Variants in LUZP2 observed in about 807,000 individuals in gnomAD.
The protein encoded by LUZP2 is leucine zipper protein 2.
Under a neutral mutation model 51.6 loss-of-function variants are expected in LUZP2, and 52 were observed. The observed-to-expected ratio is 1.01, with a 90% CI of 0.81 to 1.27. The LOEUF is 1.27. LUZP2 is among the 50% of genes most tolerant of loss of function. The probability of loss-of-function intolerance (pLI) is 0.00; values close to 1 mark genes in which losing one functional copy is unlikely to be tolerated. For missense variants in LUZP2, 436 were observed against 395.4 expected (o/e 1.10, Z -0.87); for synonymous variants, 154 against 137.3 (o/e 1.12, Z -0.85).
At chr11:24,972,416 T>C (rs1218316690) in intron 7 of LUZP2, among the ~76,000 whole-genome samples, 1 of 152,086 alleles carries the variant, frequency 6.6e-6, no homozygotes, top group African/African-American at 2.4e-5. Flanking sequence ...GTACTATTAT[T>C]CATCTTTAAA....
intron 1 of LUZP2, among the ~76,000 whole-genome samples, chr11:24,579,527 G>A (rs1852775712): frequency 6.6e-6 from 1 of 151,962 alleles, no homozygotes; most frequent in African/African-American, 2.4e-5. Flanking sequence ...AATTGCTTAT[G>A]GTTTCAACTT....
At chr11:24,835,222 T>A (rs1318313973) in intron 5 of LUZP2, among the ~76,000 whole-genome samples, 4 of 152,088 alleles carry the variant, frequency 2.6e-5, no homozygotes, top group African/African-American at 9.7e-5. Context: ...GATTCCCTAT[T>A]TAATAAATGG....
intron 9 of LUZP2, among the ~76,000 whole-genome samples, chr11:24,993,233 G>T (rs1478986742): frequency 6.6e-6 from 1 of 152,028 alleles, no homozygotes; most frequent in Non-Finnish European, 1.5e-5. Flanking sequence ...AAACTTAGGT[G>T]ATATATAATG....
At chr11:24,777,796 C>G (rs1307184864) in intron 5 of LUZP2, among the ~76,000 whole-genome samples, 1 of 151,870 alleles carries the variant, frequency 6.6e-6, no homozygotes, top group African/African-American at 2.4e-5. Context: ...TCATTCTTCT[C>G]TTCTGTGGTT....
chr11:25,067,680 G>C (rs953037373), intron 10 of LUZP2, among the ~76,000 whole-genome samples: 1 of 152,078 alleles, frequency 6.6e-6, no homozygotes, highest in African/African-American at 2.4e-5. Context: ...AACAACAGAG[G>C]CTGGAGACGA....
intron 1 of LUZP2, among the ~76,000 whole-genome samples, chr11:24,504,534 T>C (rs1043165167): frequency 6.6e-6 from 1 of 152,132 alleles, no homozygotes; most frequent in Non-Finnish European, 1.5e-5. Flanking sequence ...ATATCTAATA[T>C]TTAGGGCCAT....
In LUZP2 at chr11:24,831,229, T is replaced by G. The variant is rs897479496; in HGVS notation, c.396+67921T>G. ...AGAACAACGTCTTGTTCATATCTCTTGTTCCATTGGAGCACAATGTCTAGC... is the reference window on the plus strand; with the variant it reads ...AGAACAACGTCTTGTTCATATCTCTGGTTCCATTGGAGCACAATGTCTAGC... On this transcript the variant is annotated intron_variant, in intron 5 of 11. Transcript: ENST00000336930. Among the ~76,000 whole-genome samples, 2 of 152,212 alleles carry G rather than the reference T, an allele frequency of 1.3e-5. 1 individual carries two copies. The highest frequency in any genetic ancestry group is 2.9e-5 in the Non-Finnish European group (2 of 68,040).
chr11:24,529,704 A>C (rs939369513), intron 1 of LUZP2, among the ~76,000 whole-genome samples: 1 of 150,970 alleles, frequency 6.6e-6, no homozygotes, highest in Non-Finnish European at 1.5e-5. Context: ...ATTTCCCCCC[A>C]TTTAATAGAG....
chr11:24,949,940 C>T (rs1406951514), intron 7 of LUZP2, among the ~76,000 whole-genome samples: 1 of 148,052 alleles, frequency 6.8e-6, no homozygotes, highest in East Asian at 2.0e-4. Flanking sequence ...CTCAAATGCT[C>T]CCCCCGCCCT....
intron 8 of LUZP2, among the ~76,000 whole-genome samples, chr11:24,981,239 C>T (rs955266849): frequency 1.3e-5 from 2 of 151,730 alleles, no homozygotes; most frequent in African/African-American, 4.8e-5. Flanking sequence ...ACTTAATGGG[C>T]AGTAGGTAAG....
In LUZP2 at chr11:24,537,992, A is replaced by G. The variant is rs939335266; in HGVS notation, c.62+40687A>G. 2.1e-5 allele frequency among the ~76,000 whole-genome samples: 3 copies of G among 144,714 alleles called. No homozygotes were observed. In the Admixed American group the frequency reaches 2.2e-4, roughly 10 times the overall value. 94.9% of individuals were successfully genotyped at this position (144,714 alleles called of 152,430 possible). ...TTCTTAAGACTAATTACTTATAATC[A>G]ATGAGGTTTTTATAGGGCCACTTCT... On this transcript the variant is annotated intron_variant, in intron 1 of 11. Coordinates refer to ENST00000336930, the MANE Select transcript of LUZP2 (RefSeq NM_001009909.4).
At chr11:24,628,636 G>A (rs1451596145) in intron 1 of LUZP2, among the ~76,000 whole-genome samples, 2 of 152,074 alleles carry the variant, frequency 1.3e-5, no homozygotes, top group Non-Finnish European at 2.9e-5. Flanking sequence ...TCGGCTCACT[G>A]CAATCTCCAC....
intron 9 of LUZP2, among the ~76,000 whole-genome samples, chr11:25,037,610 CTA>C (rs1230018133): frequency 1.3e-5 from 2 of 152,054 alleles, no homozygotes; most frequent in African/African-American, 2.4e-5. Flanking sequence ...TTTTTTAAAT[CTA>C]TGTTTAGCAC....
chr11:24,834,905 C>G (rs1464659930), intron 5 of LUZP2, among the ~76,000 whole-genome samples: 1 of 152,138 alleles, frequency 6.6e-6, no homozygotes, highest in Non-Finnish European at 1.5e-5. Flanking sequence ...TGAGAAGTGT[C>G]TTTTCAGTTT....
Position 24,620,958 on chromosome 11 carries a change from C to T in LUZP2, c.63-108211C>T, listed in dbSNP as rs548556930. 2.6e-5 allele frequency among the ~76,000 whole-genome samples: 4 copies of T among 152,256 alleles called. No homozygotes were observed. In the South Asian group the frequency reaches 8.3e-4, roughly 32 times the overall value. On this transcript the variant is annotated intron_variant, in intron 1 of 11. Transcript: ENST00000336930. ...GAAAATAGCCTTCTACATGTTGATC[C>T]TCCCTGGGCAACTTTACCCCTTCCC...
intron 1 of LUZP2, among the ~76,000 whole-genome samples, chr11:24,628,715 T>C (rs1008052374): frequency 1.2e-4 from 18 of 152,068 alleles, no homozygotes; most frequent in African/African-American, 4.3e-4. Flanking sequence ...CACAACACCA[T>C]GCCTAGCTAA....
At chr11:25,027,596 G>T (rs867477306) in intron 9 of LUZP2, among the ~76,000 whole-genome samples, 1 of 152,004 alleles carries the variant, frequency 6.6e-6, no homozygotes, top group African/African-American at 2.4e-5. Context: ...TTTAGGTCGG[G>T]CACAGTGGCT....
intron 5 of LUZP2, among the ~76,000 whole-genome samples, chr11:24,850,727 C>T (rs182893986): frequency 2.0e-3 from 297 of 152,144 alleles, no homozygotes; most frequent in Middle Eastern, 0.017. Context: ...TCCATTTTCA[C>T]GATATTGATT....
intron 1 of LUZP2, among the ~76,000 whole-genome samples, chr11:24,575,595 C>G (rs1188566207): frequency 6.6e-6 from 1 of 152,084 alleles, no homozygotes; most frequent in Non-Finnish European, 1.5e-5. Context: ...TTTTCAAACA[C>G]TATTTTAAGC....
Sources: allele counts gnomAD v4.1 joint callset (sites outside exome capture counted in the v4.1 genomes callset), GRCh38; gene constraint gnomAD v4.1.1; transcripts MANE v1.5; gene names NCBI Gene and HGNC (gene_info 2026-07-23, HGNC 2026-07-21).